Variants in TPCN1 observed in about 807,000 individuals in gnomAD.
TPCN1 encodes two pore channel protein 1.
A neutral mutation model predicts 108.8 loss-of-function variants in TPCN1; 52 were observed. The observed-to-expected ratio is 0.48, with a 90% CI of 0.38 to 0.60. The LOEUF is 0.60. TPCN1 is among the 20% of genes least tolerant of loss of function. TPCN1 has a pLI of 0.00. For synonymous variants in TPCN1, 446 were observed against 433.7 expected (o/e 1.03, Z -0.35); for missense variants, 806 against 1,072.8 (o/e 0.75, Z 3.47).
At position 113,268,791 on chromosome 12, in the gene TPCN1, G is replaced by A. The variant is rs567344119; in HGVS notation, c.578G>A (p.Arg193Gln). 4.3e-6 allele frequency: 7 copies of A among 1,614,070 alleles called. No homozygotes were observed. The highest frequency in any genetic ancestry group is 2.2e-5 in the East Asian group (1 of 44,882). ...QFVEAIVVLV[R>Q]QMSHVRVTRA... ...GTCGAGGCCATCGTGGTGTTGGTAC[G>A]GCAGATGTCCCATGTGCGGGTGACC... The change falls in exon 6 of 28, where the codon CGG becomes CAG. Residue 193 changes from arginine (R) to glutamine (Q), a missense_variant. Arg to Gln is a conservative substitution (Grantham distance 43, BLOSUM62 1). Transcript: ENST00000335509. This position sits in a 1 kb window ranked among gnomAD's most constrained non-coding sequence, Gnocchi z 7.3.
chr12:113,248,709 G>A (rs747762703), intron 2 of TPCN1, among the ~76,000 whole-genome samples: 2 of 152,214 alleles, frequency 1.3e-5, no homozygotes, highest in Admixed American at 6.5e-5. Flanking sequence ...CAGGTTCCAC[G>A]AGACCCTCTG....
chr12:113,290,012 C>G, intron 21 of TPCN1, 116 bp from the exon 22 acceptor site: 2 of 659,570 alleles, frequency 3.0e-6, no homozygotes, highest in Admixed American at 5.2e-5. Flanking sequence ...AACCAGGCTG[C>G]GGGCAGAACA....
At chr12:113,263,327 G>A (rs1283917075) in intron 3 of TPCN1, among the ~76,000 whole-genome samples, 5 of 152,116 alleles carry the variant, frequency 3.3e-5, no homozygotes, top group African/African-American at 4.8e-5. Flanking sequence ...ATAGTGGTGC[G>A]ACCTTGGCTC....
chr12:113,227,380 G>A (rs566396749), intron 2 of TPCN1, among the ~76,000 whole-genome samples: 1 of 152,306 alleles, frequency 6.6e-6, no homozygotes, highest in South Asian at 2.1e-4. Flanking sequence ...AAGCAGCACT[G>A]CCCGCGTCTC....
In TPCN1 at chr12:113,296,183, T is replaced by C; in HGVS notation, c.*107T>C. 6.9e-7 allele frequency: 1 copy of C among 1,458,580 alleles called. No homozygotes were observed. The highest frequency in any genetic ancestry group is 9.2e-7 in the Non-Finnish European group (1 of 1,085,530). 90.4% of individuals were successfully genotyped at this position (1,458,580 alleles called of 1,614,324 possible). ...ACACATACTCACGTATATGCACATATTTATATACAGGAAGAAAAAAGACAG... is the reference window on the plus strand; with the variant it reads ...ACACATACTCACGTATATGCACATACTTATATACAGGAAGAAAAAAGACAG... On this transcript the variant is annotated 3_prime_UTR_variant, in exon 28 of 28. Coordinates refer to ENST00000335509, the MANE Select transcript of TPCN1 (RefSeq NM_017901.6).
At chr12:113,260,268 T>G in intron 2 of TPCN1, 100 bp from the exon 3 acceptor site, 1 of 1,320,508 alleles carries the variant, frequency 7.6e-7, no homozygotes, top group Non-Finnish European at 1.0e-6. Context: ...GATGTCCATG[T>G]GAGCATATGA....
chr12:113,294,826 G>A (rs1157620165), intron 27 of TPCN1, among the ~76,000 whole-genome samples: 3 of 152,232 alleles, frequency 2.0e-5, no homozygotes, highest in African/African-American at 7.2e-5. Flanking sequence ...CCAGGGCTCC[G>A]GGGAGCCTCT....
At chr12:113,286,003 G>A in intron 18 of TPCN1, 42 bp downstream of exon 18, 4 of 1,557,926 alleles carry the variant, frequency 2.6e-6, no homozygotes, top group Non-Finnish European at 3.5e-6. Flanking sequence ...TGAGACTCTT[G>A]AGGATGGCCC....
In TPCN1 at chr12:113,288,167, T is replaced by C; in HGVS notation, c.1639T>C (p.Phe547Leu). 1 of 1,613,128 alleles carries C rather than the reference T, an allele frequency of 6.2e-7. No individual in the cohort carries two copies. The highest frequency in any genetic ancestry group is 8.5e-7 in the Non-Finnish European group (1 of 1,179,402). ...ACGGGTGTCCTCCTCGCTCAGGTTG[T>C]TTAAGTTGAAGGAGCGCTACCGCAA... ...VLRPLQLLRL[F>L]KLKERYRNVL... Residue 547 changes from phenylalanine (F) to leucine (L), a missense_variant, in exon 20 of 28, where the codon TTT becomes CTT. By Grantham distance (22) the Phe-to-Leu change is conservative. Transcript: ENST00000335509. The surrounding 1 kb of genome is among the most constrained non-coding windows in gnomAD (Gnocchi z 4.8).
chr12:113,255,856 G>A (rs1375222473), intron 2 of TPCN1, among the ~76,000 whole-genome samples: 1 of 150,786 alleles, frequency 6.6e-6, no homozygotes, highest in Non-Finnish European at 1.5e-5. Context: ...ACAGGATCTT[G>A]CTCTGTCACC....
At chr12:113,292,028 TGGCTGTCCAGCCAGCCATCA>T (rs1002732567) in intron 25 of TPCN1, 70 bp downstream of exon 25, 52 of 1,391,018 alleles carry the variant, frequency 3.7e-5, no homozygotes, top group East Asian at 3.5e-4. Flanking sequence ...TCTGTCTGGG[TGGCTGTCCAGCCAGCCATCA>T]GGCTGTCATT....
At chr12:113,240,764 T>C (rs1345986088) in intron 2 of TPCN1, among the ~76,000 whole-genome samples, 4 of 150,310 alleles carry the variant, frequency 2.7e-5, no homozygotes. Context: ...TTTTTTTTTT[T>C]TGGAGACAGA....
chr12:113,296,423 T>C lies in TPCN1; in HGVS notation c.*347T>C. The C allele has an allele frequency of 3.9e-6, 1 of 257,706 alleles. No individual in the cohort carries two copies. The highest frequency in any genetic ancestry group is 7.5e-6 in the Non-Finnish European group (1 of 134,042). The allele number at this position is 257,706 out of a possible 1,614,324, so 16.0% of individuals were successfully genotyped here. The stretch of plus-strand genomic sequence containing the variant: ...GGCCTCCATCGGCCACGTCCAAAGC[T>C]GTCACTGCTACTGCTTCAGGCTCAC... On this transcript the variant is annotated 3_prime_UTR_variant, in exon 28 of 28. Coordinates refer to ENST00000335509, the MANE Select transcript of TPCN1 (RefSeq NM_017901.6).
intron 22 of TPCN1, 91 bp downstream of exon 22, chr12:113,290,334 T>C (rs1956226142): frequency 1.1e-6 from 1 of 913,836 alleles, no homozygotes; most frequent in Non-Finnish European, 1.7e-6. Context: ...GTGTAGCAAG[T>C]GTCTGGGCCA....
intron 2 of TPCN1, among the ~76,000 whole-genome samples, chr12:113,255,722 G>T (rs1039541204): frequency 2.0e-5 from 3 of 150,560 alleles, no homozygotes; most frequent in Middle Eastern, 3.5e-3. Flanking sequence ...GACGGGCGGG[G>T]TTTCACTATG....
Position 113,236,620 on chromosome 12 carries a change from G to T in TPCN1, c.112+9656G>T, listed in dbSNP as rs77832460. On this transcript the variant is annotated intron_variant, in intron 2 of 27. Coordinates refer to ENST00000335509, the MANE Select transcript of TPCN1 (RefSeq NM_017901.6). ...ACAGAGCAAGACCCTGTCTCAAAAA[G>T]AAAAAAAAAAAAAGAAGTAGGAACT... is the stretch of plus-strand genomic sequence containing the variant. 5.8e-3 allele frequency among the ~76,000 whole-genome samples: 779 copies of T among 135,272 alleles called. 11 individuals carry two copies. Among genetic ancestry groups the T allele is most frequent in the African/African-American group, 0.02 (739 of 36,880 alleles). 88.7% of individuals were successfully genotyped at this position (135,272 alleles called of 152,430 possible).
intron 2 of TPCN1, among the ~76,000 whole-genome samples, chr12:113,241,701 A>C (rs1298193561): frequency 6.6e-6 from 1 of 152,018 alleles, no homozygotes; most frequent in African/African-American, 2.4e-5. Flanking sequence ...AATATGGAAC[A>C]GATGTTCGCA....
chr12:113,236,747 T>C (rs1388030286), intron 2 of TPCN1, among the ~76,000 whole-genome samples: 1 of 152,140 alleles, frequency 6.6e-6, no homozygotes, highest in Non-Finnish European at 1.5e-5. Flanking sequence ...CCCACTGAGT[T>C]TGAATCCAGC....
chr12:113,238,043 TTGATCAGGAAGTTCTTAGTC>T (rs892733084), intron 2 of TPCN1, among the ~76,000 whole-genome samples: 2 of 152,168 alleles, frequency 1.3e-5, no homozygotes, highest in African/African-American at 4.8e-5. Flanking sequence ...CCATCTTGGG[TTGATCAGGAAGTTCTTAGTC>T]TGTTCAGATG....
Sources: gnomAD v4.1 joint callset for allele counts (sites outside exome capture counted in the v4.1 genomes callset) on GRCh38, gnomAD v4.1.1 for gene constraint, Gnocchi (gnomAD v3.1) non-coding constraint, MANE v1.5 for transcripts, NCBI Gene and HGNC (gene_info 2026-07-23, HGNC 2026-07-21) for gene names.